Variants in DAB2IP observed in about 807,000 individuals in gnomAD.
DAB2IP encodes the protein DAB2 interacting protein, also known as disabled homolog 2-interacting protein.
A neutral mutation model predicts 107.2 loss-of-function variants in DAB2IP; 28 were observed. The ratio of observed to expected loss-of-function variants is 0.26; its 90% CI spans 0.19 to 0.36. The LOEUF is 0.36. Among genes scored for constraint, DAB2IP ranks in the 10% least tolerant of loss-of-function variants. DAB2IP has a pLI of 1.00. For missense variants in DAB2IP, 1,400 were observed against 1,644.7 expected (o/e 0.85, Z 2.57); for synonymous variants, 755 against 706.4 (o/e 1.07, Z -1.09).
intron 1 of DAB2IP, among the ~76,000 whole-genome samples, chr9:121,627,746 T>C (rs1831715028): frequency 6.6e-6 from 1 of 152,390 alleles, no homozygotes; most frequent in African/African-American, 2.4e-5. Flanking sequence ...TGCACTTTCA[T>C]GCACATGTAT....
chr9:121,575,778 T>G (rs599228), intron 1 of DAB2IP, among the ~76,000 whole-genome samples: 88,295 of 152,022 alleles, frequency 0.58, 26,611 homozygotes, highest in Middle Eastern at 0.71. Flanking sequence ...CTGGGCTGCT[T>G]AGCCCACCCT....
intron 3 of DAB2IP, chr9:121,751,225 C>A: frequency 5.8e-6 from 1 of 171,920 alleles, no homozygotes; most frequent in Non-Finnish European, 1.3e-5. Context: ...CACCCCTGGA[C>A]GATGGAAAGG....
chr9:121,584,485 C>G (rs772616584), intron 1 of DAB2IP, among the ~76,000 whole-genome samples: 1 of 152,148 alleles, frequency 6.6e-6, no homozygotes, highest in South Asian at 2.1e-4. Flanking sequence ...ACCTCTTCCC[C>G]TTGTAAAGAC....
intron 1 of DAB2IP, among the ~76,000 whole-genome samples, chr9:121,606,972 A>G (rs2118966256): frequency 6.6e-6 from 1 of 151,776 alleles, no homozygotes; most frequent in East Asian, 1.9e-4. Flanking sequence ...ACAGGGTTTC[A>G]CCATATTGGT....
rs1243819993 is a variant in DAB2IP, at chr9:121,699,143, GC to G, written c.229-180del. On this transcript the variant is annotated intron_variant, in intron 2 of 15. Transcript: ENST00000408936. This position sits in a 1 kb window ranked among gnomAD's most constrained non-coding sequence, Gnocchi z 6.2. The stretch of plus-strand genomic sequence containing the variant: ...GGCTGGGCCGCGCTGCGCGGGCCGG[GC>G]CGTCGGCGCTCGGTCGGCGGGCGGG... Among the ~76,000 whole-genome samples the G allele has an allele frequency of 6.9e-6, 1 of 145,154 alleles. No homozygotes were observed. Among genetic ancestry groups the G allele is most frequent in the African/African-American group, 2.5e-5 (1 of 40,234 alleles).
intron 1 of DAB2IP, among the ~76,000 whole-genome samples, chr9:121,601,003 T>C (rs555488210): frequency 6.6e-6 from 1 of 152,330 alleles, no homozygotes; most frequent in Admixed American, 6.5e-5. Context: ...CCAGCCCCTC[T>C]TAATCAGCCC....
intron 3 of DAB2IP, chr9:121,752,076 A>G: frequency 1.0e-6 from 1 of 972,150 alleles, no homozygotes; most frequent in East Asian, 1.1e-4. Flanking sequence ...AGCAGTGTGC[A>G]GCCACAGAGG....
intron 1 of DAB2IP, among the ~76,000 whole-genome samples, chr9:121,622,748 AC>A (rs763404369): frequency 6.6e-6 from 1 of 151,636 alleles, no homozygotes; most frequent in African/African-American, 2.4e-5. Context: ...CCACCACCCC[AC>A]CCCCTGCCCC....
rs1378869674 is a variant in DAB2IP at position 121,736,355 on chromosome 9, G to A, written c.363-20658G>A. ...GGCCGGTGGGGACCCAGACTCGCAC[G>A]AAGGTGGGGAAGGAGTTGCAAGGCA... On this transcript the variant is annotated intron_variant, in intron 3 of 15. Transcript: ENST00000408936. The surrounding 1 kb of genome is among the most constrained non-coding windows in gnomAD (Gnocchi z 4.6). Among the ~76,000 whole-genome samples the A allele has an allele frequency of 1.3e-5, 2 of 152,186 alleles. No individual in the cohort carries two copies. The highest frequency in any genetic ancestry group is 6.5e-5 in the Admixed American group (1 of 15,292).
chr9:121,782,231 C>T lies in DAB2IP; in HGVS notation c.3403-100C>T. 1 of 1,518,026 alleles carries T rather than the reference C, an allele frequency of 6.6e-7. No homozygotes were observed. The highest frequency in any genetic ancestry group is 2.3e-5 in the East Asian group (1 of 43,276). 94.0% of individuals were successfully genotyped at this position (1,518,026 alleles called of 1,614,324 possible). On this transcript the variant is annotated intron_variant, in intron 15 of 15. Transcript: ENST00000408936. This position sits in a 1 kb window ranked among gnomAD's most constrained non-coding sequence, Gnocchi z 6.1. The stretch of plus-strand genomic sequence containing the variant: ...CACAGCCCGGAGCCTGCCTGCCACC[C>T]TCATCTCCAGGCCACCCCCTTCCCC...
At chr9:121,700,854 G>A (rs529798280) in intron 3 of DAB2IP, among the ~76,000 whole-genome samples, 1 of 152,274 alleles carries the variant, frequency 6.6e-6, no homozygotes, top group South Asian at 2.1e-4. Flanking sequence ...TTTCTCTGAT[G>A]GCCCTGGTGC....
intron 1 of DAB2IP, among the ~76,000 whole-genome samples, chr9:121,573,659 A>G (rs779942889): frequency 3.6e-4 from 55 of 152,136 alleles, no homozygotes; most frequent in Non-Finnish European, 7.3e-4. Flanking sequence ...CTGGGATTAG[A>G]GGTGTGAGCC....
intron 3 of DAB2IP, among the ~76,000 whole-genome samples, chr9:121,719,339 G>A (rs987792559): frequency 5.9e-5 from 9 of 152,142 alleles, no homozygotes; most frequent in African/African-American, 1.4e-4. Flanking sequence ...CAAGGAATCC[G>A]GGAGGACTTC....
At chr9:121,607,357 G>T (rs1372976167) in intron 1 of DAB2IP, among the ~76,000 whole-genome samples, 1 of 152,080 alleles carries the variant, frequency 6.6e-6, no homozygotes, top group East Asian at 1.9e-4. Flanking sequence ...AGGCTGGAGT[G>T]CAGTGCCACA....
chr9:121,694,984 G>A (rs952986160), intron 2 of DAB2IP, among the ~76,000 whole-genome samples: 1 of 152,196 alleles, frequency 6.6e-6, no homozygotes, highest in South Asian at 2.1e-4. Context: ...TGGGGAGGGA[G>A]CCGCGGGTCC....
chr9:121,699,804 G>A lies in DAB2IP; in HGVS notation c.362+346G>A, dbSNP rs1022165722. 2.0e-5 allele frequency among the ~76,000 whole-genome samples: 3 copies of A among 152,224 alleles called. No individual in the cohort carries two copies. ...CCGTGCGGTGCCCGAACCGGGGACG[G>A]AAGTGGGGCCTCTGCCGCCAGGACC... On this transcript the variant is annotated intron_variant, in intron 3 of 15. Coordinates refer to ENST00000408936, the Ensembl canonical transcript of DAB2IP. This position sits in a 1 kb window ranked among gnomAD's most constrained non-coding sequence, Gnocchi z 6.2.
At position 121,734,205 on chromosome 9, in the gene DAB2IP, G is replaced by A. The variant is rs957796972; in HGVS notation, c.363-22808G>A. On this transcript the variant is annotated intron_variant, in intron 3 of 15. Coordinates refer to ENST00000408936, the Ensembl canonical transcript of DAB2IP. ...ATCCTGGCTAACAAGGTGAAACCCCGTCTCTACTAAAAATACAAAAAATTA... is the reference window on the plus strand; with the variant it reads ...ATCCTGGCTAACAAGGTGAAACCCCATCTCTACTAAAAATACAAAAAATTA... Among the ~76,000 whole-genome samples the A allele has an allele frequency of 2.1e-4, 30 of 143,902 alleles. 4 individuals are homozygous for A. The highest frequency in any genetic ancestry group is 5.9e-4 in the African/African-American group (20 of 34,098). 94.4% of individuals were successfully genotyped at this position (143,902 alleles called of 152,430 possible).
chr9:121,701,426 T>C lies in DAB2IP; in HGVS notation c.362+1968T>C, dbSNP rs1829778122. ...ACTACAAGCCTGTTTCTGGAAACAG[T>C]AGGAAACGGTAGCGGTTGGAGCAGA... is the stretch of plus-strand genomic sequence containing the variant. On this transcript the variant is annotated intron_variant, in intron 3 of 15. Coordinates refer to ENST00000408936, the Ensembl canonical transcript of DAB2IP. This position sits in a 1 kb window ranked among gnomAD's most constrained non-coding sequence, Gnocchi z 4.7. Among the ~76,000 whole-genome samples the C allele has an allele frequency of 6.6e-6, 1 of 152,046 alleles. No individual in the cohort carries two copies. Among genetic ancestry groups the C allele is most frequent in the Non-Finnish European group, 1.5e-5 (1 of 67,988 alleles).
intron 3 of DAB2IP, among the ~76,000 whole-genome samples, chr9:121,732,134 C>T (rs761198726): frequency 3.3e-5 from 5 of 152,140 alleles, no homozygotes; most frequent in Non-Finnish European, 5.9e-5. Context: ...TGTAACCGTC[C>T]TCTTTCCGTT....
Sources: allele counts gnomAD v4.1 joint callset (sites outside exome capture counted in the v4.1 genomes callset), GRCh38; gene constraint gnomAD v4.1.1; non-coding constraint Gnocchi (gnomAD v3.1); transcripts MANE v1.5; gene names NCBI Gene and HGNC (gene_info 2026-07-23, HGNC 2026-07-21).